The following PRKN variants were observed in gnomAD, a reference collection of about 807,000 sequenced individuals.
PRKN encodes the protein parkin RBR E3 ubiquitin protein ligase.
PRKN carries 56 observed loss-of-function variants against 59.5 expected under a neutral mutation model. The observed-to-expected ratio is 0.94, with a 90% confidence interval of 0.76 to 1.18. The LOEUF (loss-of-function observed/expected upper bound fraction) is 1.18, where lower values mean the gene tolerates loss of function less well. PRKN is among the 50% of genes most tolerant of loss of function. PRKN has a pLI of 0.00. For missense variants in PRKN, 657 were observed against 596.4 expected (o/e 1.10, Z -1.06); for synonymous variants, 250 against 222.1 (o/e 1.13, Z -1.12).
At chr6:162,394,703 G>T (rs968792481) in intron 2 of PRKN, among the ~76,000 whole-genome samples, 1 of 152,096 alleles carries the variant, frequency 6.6e-6, no homozygotes, top group African/African-American at 2.4e-5. Flanking sequence ...TATTAATTTT[G>T]CTTTTGGAAA....
At chr6:162,650,672 TAC>T (rs1390381515) in intron 1 of PRKN, among the ~76,000 whole-genome samples, 4 of 151,870 alleles carry the variant, frequency 2.6e-5, no homozygotes, top group African/African-American at 9.6e-5. Context: ...CTACAAAGTA[TAC>T]AGATATCCCT....
chr6:161,443,030 G>C lies in PRKN; in HGVS notation c.1084-56153C>G, dbSNP rs56184895. ...GGGATTAGAATCAGGGAGCGAGGCC[G>C]GGCGCGGTGGCTCATGCTTGTAATA... On this transcript the variant is annotated intron_variant, in intron 9 of 11. Transcript: ENST00000366898. Among the ~76,000 whole-genome samples the C allele has an allele frequency of 6.3e-3, 963 of 152,178 alleles. 14 individuals carry two copies. The highest frequency in any genetic ancestry group is 0.057 in the East Asian group (293 of 5,154).
intron 1 of PRKN, among the ~76,000 whole-genome samples, chr6:162,489,158 A>G (rs1417931944): frequency 1.3e-5 from 2 of 152,174 alleles, no homozygotes; most frequent in African/African-American, 2.4e-5. Flanking sequence ...TGTCTTAAAG[A>G]ACAACCTAAT....
chr6:161,871,245 T>C lies in PRKN; in HGVS notation c.735-85337A>G, dbSNP rs577403691. Reference sequence around the variant, plus strand: ...CAGAATGTTTCTTATTTTACATCATTAGACGTATGATGGTATCTCTTCCAG... The same window carrying C: ...CAGAATGTTTCTTATTTTACATCATCAGACGTATGATGGTATCTCTTCCAG... On this transcript the variant is annotated intron_variant, in intron 6 of 11. Transcript: ENST00000366898. 9.2e-5 allele frequency among the ~76,000 whole-genome samples: 14 copies of C among 152,266 alleles called. No homozygotes were observed. The South Asian group carries it at 2.9e-3, about 32-fold the overall frequency.
At chr6:162,618,593 A>G (rs1782525381) in intron 1 of PRKN, among the ~76,000 whole-genome samples, 2 of 152,180 alleles carry the variant, frequency 1.3e-5, no homozygotes, top group South Asian at 4.1e-4. Context: ...CAGTCCAAAA[A>G]GAGTTTTACT....
At chr6:161,778,325 C>G (rs1176561064) in intron 7 of PRKN, among the ~76,000 whole-genome samples, 1 of 152,272 alleles carries the variant, frequency 6.6e-6, no homozygotes, top group Admixed American at 6.5e-5. Context: ...CATTCACACT[C>G]CTAAGTTCAG....
chr6:162,306,246 G>C (rs1264858982), intron 2 of PRKN, among the ~76,000 whole-genome samples: 1 of 152,162 alleles, frequency 6.6e-6, no homozygotes, highest in Non-Finnish European at 1.5e-5. Flanking sequence ...CTGACTGAGG[G>C]TGTCGGGTAA....
At chr6:161,523,626 T>A (rs1333490849) in intron 9 of PRKN, among the ~76,000 whole-genome samples, 4 of 152,268 alleles carry the variant, frequency 2.6e-5, no homozygotes, top group African/African-American at 9.6e-5. Flanking sequence ...GCTATCATTA[T>A]TATGTTGTCA....
intron 6 of PRKN, among the ~76,000 whole-genome samples, chr6:161,950,170 G>GA (rs1186265357): frequency 6.6e-6 from 1 of 152,174 alleles, no homozygotes; most frequent in Non-Finnish European, 1.5e-5. Flanking sequence ...AATATTAGTG[G>GA]AATGGTGACT....
In PRKN at chr6:161,592,270, T is replaced by C. The variant is rs1460817131; in HGVS notation, c.872-22854A>G. Reference sequence around the variant, plus strand: ...AGGTTGAGGTAATGCTTCATGATTGTTGAATGTAGGATTTTGGATATGCAG... The same window carrying C: ...AGGTTGAGGTAATGCTTCATGATTGCTGAATGTAGGATTTTGGATATGCAG... On this transcript the variant is annotated intron_variant, in intron 7 of 11. Transcript: ENST00000366898. This position sits in a 1 kb window ranked among gnomAD's most constrained non-coding sequence, Gnocchi z 4.8. 6.6e-6 allele frequency among the ~76,000 whole-genome samples: 1 copy of C among 152,172 alleles called. No homozygotes were observed. Among genetic ancestry groups the C allele is most frequent in the African/African-American group, 2.4e-5 (1 of 41,446 alleles).
At position 161,815,984 on chromosome 6, in the gene PRKN, C is replaced by T. The variant is rs115419514; in HGVS notation, c.735-30076G>A. 7.1e-3 allele frequency among the ~76,000 whole-genome samples: 1,086 copies of T among 152,276 alleles called. 15 individuals carry two copies. The highest frequency in any genetic ancestry group is 0.025 in the African/African-American group (1,038 of 41,558). On this transcript the variant is annotated intron_variant, in intron 6 of 11. Coordinates refer to ENST00000366898, the MANE Select transcript of PRKN (RefSeq NM_004562.3). ...AACATGTATCTAACAGGAGATCCAG[C>T]CATTCTTCTCCAGAATTTCTAACCA...
intron 6 of PRKN, among the ~76,000 whole-genome samples, chr6:161,847,164 C>A (rs556324578): frequency 2.6e-5 from 4 of 152,088 alleles, no homozygotes; most frequent in East Asian, 1.9e-4. Context: ...AAAAATTAGC[C>A]GGGTGTGGTG....
At position 161,414,048 on chromosome 6, in the gene PRKN, G is replaced by A. The variant is rs1787719360; in HGVS notation, c.1084-27171C>T. On this transcript the variant is annotated intron_variant, in intron 9 of 11. Transcript: ENST00000366898. This position sits in a 1 kb window ranked among gnomAD's most constrained non-coding sequence, Gnocchi z 5.3. ...ACGTGAAACTCCTCGACAGCACTGT[G>A]TCCTGGGCCGAGGTGGGGAGGGTCA... Among the ~76,000 whole-genome samples, 1 of 152,130 alleles carries A rather than the reference G, an allele frequency of 6.6e-6. No individual in the cohort carries two copies. Among genetic ancestry groups the A allele is most frequent in the African/African-American group, 2.4e-5 (1 of 41,418 alleles).
In PRKN at chr6:161,475,524, GA is replaced by G. The variant is rs1791023607; in HGVS notation, c.1083+73329del. On this transcript the variant is annotated intron_variant, in intron 9 of 11. Transcript: ENST00000366898. This position sits in a 1 kb window ranked among gnomAD's most constrained non-coding sequence, Gnocchi z 5.3. ...TATTTTTATTTACATATATTTTTGA[GA>G]CGAGGTCTCGCTCTGTGGCCCAGGC... 6.6e-6 allele frequency among the ~76,000 whole-genome samples: 1 copy of G among 152,080 alleles called. No individual in the cohort carries two copies. Among genetic ancestry groups the G allele is most frequent in the African/African-American group, 2.4e-5 (1 of 41,408 alleles).
chr6:161,467,822 G>C lies in PRKN; in HGVS notation c.1084-80945C>G, dbSNP rs1260760630. On this transcript the variant is annotated intron_variant, in intron 9 of 11. Coordinates refer to ENST00000366898, the MANE Select transcript of PRKN (RefSeq NM_004562.3). This position sits in a 1 kb window ranked among gnomAD's most constrained non-coding sequence, Gnocchi z 4.3. ...AGTAGAGGGTTTCCTGGGGATTCCA[G>C]GGAGCTACATTCTCAGGAGGAATGG... Among the ~76,000 whole-genome samples, 1 of 152,146 alleles carries C rather than the reference G, an allele frequency of 6.6e-6. No individual in the cohort carries two copies. The highest frequency in any genetic ancestry group is 2.4e-5 in the African/African-American group (1 of 41,446).
intron 3 of PRKN, among the ~76,000 whole-genome samples, chr6:162,231,689 A>G (rs1355624696): frequency 6.6e-6 from 1 of 152,198 alleles, no homozygotes; most frequent in African/African-American, 2.4e-5. Flanking sequence ...CCCATTCAAT[A>G]GGTTAATACC....
intron 1 of PRKN, among the ~76,000 whole-genome samples, chr6:162,490,112 T>C (rs1319389515): frequency 6.6e-6 from 1 of 152,106 alleles, no homozygotes; most frequent in Non-Finnish European, 1.5e-5. Flanking sequence ...GGAAGCGATG[T>C]GACAGGTTTT....
At chr6:162,220,612 C>T (rs1777882851) in intron 3 of PRKN, among the ~76,000 whole-genome samples, 1 of 152,052 alleles carries the variant, frequency 6.6e-6, no homozygotes, top group African/African-American at 2.4e-5. Context: ...AATCAGAGAC[C>T]CAACCAGTAA....
At chr6:161,811,085 C>T (rs1791538925) in intron 6 of PRKN, among the ~76,000 whole-genome samples, 2 of 152,088 alleles carry the variant, frequency 1.3e-5, no homozygotes, top group African/African-American at 4.8e-5. Context: ...AAGAACTAGA[C>T]AAACTAACTC....
Sources: gnomAD v4.1 joint callset for allele counts (sites outside exome capture counted in the v4.1 genomes callset) on GRCh38, gnomAD v4.1.1 for gene constraint, Gnocchi (gnomAD v3.1) non-coding constraint, MANE v1.5 for transcripts, NCBI Gene and HGNC (gene_info 2026-07-23, HGNC 2026-07-21) for gene names.